The following APPL1 variants were observed in gnomAD, a reference collection of about 807,000 sequenced individuals.
The protein encoded by APPL1 is DCC-interacting protein 13-alpha.
In APPL1, 42 loss-of-function variants were observed where a neutral mutation model predicts 106.8. That is an observed-to-expected ratio of 0.39 (90% confidence interval 0.31 to 0.51). APPL1 has a LOEUF of 0.51. Ranked by LOEUF, APPL1 falls within the 20% of genes least tolerant of loss-of-function variation. The pLI is 0.75. For synonymous variants in APPL1, 263 were observed against 281.8 expected (o/e 0.93, Z 0.67); for missense variants, 769 against 858.2 (o/e 0.90, Z 1.30).
Position 57,252,390 on chromosome 3 carries a change from A to G in APPL1, c.1095+79A>G, listed in dbSNP as rs2060809459. On this transcript the variant is annotated intron_variant, in intron 12 of 21. Transcript: ENST00000288266. ...TGACAAAACATATATTAATGTGTTC[A>G]TTGTAGAAATTTTGGAAAATCCTAG... 1.9e-5 allele frequency: 20 copies of G among 1,063,224 alleles called. No individual in the cohort carries two copies. In the South Asian group the frequency reaches 2.6e-4, roughly 14 times the overall value. The allele number at this position is 1,063,224 out of a possible 1,614,324, so 65.9% of individuals were successfully genotyped here.
chr3:57,232,224 A>G (rs2060690340), intron 1 of APPL1, among the ~76,000 whole-genome samples: 1 of 152,244 alleles, frequency 6.6e-6, no homozygotes, highest in Admixed American at 6.5e-5. Context: ...AACAGTGAAG[A>G]CAAACCCCAG....
At chr3:57,256,722 A>T (rs765695664) in intron 13 of APPL1, among the ~76,000 whole-genome samples, 3 of 152,232 alleles carry the variant, frequency 2.0e-5, no homozygotes, top group Non-Finnish European at 4.4e-5. Flanking sequence ...TTAAAAAGCA[A>T]TATCTAATAA....
rs1229089055 is a variant in APPL1, at chr3:57,259,992, A to C, written c.1631A>C (p.His544Pro). The C allele has an allele frequency of 6.2e-7, 1 of 1,613,860 alleles. No homozygotes were observed. Residue 544 changes from histidine to proline, a missense_variant, in exon 17 of 22, where the codon CAT becomes CCT. Physicochemically the swap from His to Pro is moderately conservative, Grantham distance 77. Transcript: ENST00000288266. ...AACATCTTTCGTATGACAGAATCGC[A>C]TTTATTAGTCACTTGTGACTGTTTA... is the stretch of plus-strand genomic sequence containing the variant. ...IHNIFRMTES[H>P]LLVTCDCLKL...
In APPL1 at chr3:57,242,868, C is replaced by A; in HGVS notation, c.428C>A (p.Ala143Glu). The A allele has an allele frequency of 6.2e-7, 1 of 1,610,670 alleles. No homozygotes were observed. Among genetic ancestry groups the A allele is most frequent in the South Asian group, 1.1e-5 (1 of 90,942 alleles). Residue 143 changes from alanine (A) to glutamate (E), a missense_variant, in exon 7 of 22, where the codon GCG (alanine) becomes GAG (glutamate). Physicochemically the swap from Ala to Glu is moderately radical, Grantham distance 107 (BLOSUM62 -1). Coordinates refer to ENST00000288266, the MANE Select transcript of APPL1 (RefSeq NM_012096.3). ...FQIASNDHDA[A>E]INRYSRLSKK... ...TTCTTTTTTCCAGATCATGATGCTG[C>A]GATTAATAGATATAGCCGTTTATCA...
chr3:57,256,883 A>G, intron 13 of APPL1, 74 bp from the exon 14 acceptor site: 1 of 1,154,760 alleles, frequency 8.7e-7, no homozygotes, highest in Non-Finnish European at 1.3e-6. Flanking sequence ...CATTCTAACA[A>G]TTCAGAGTTA....
intron 15 of APPL1, 90 bp from the exon 16 acceptor site, chr3:57,258,937 TA>T: frequency 5.3e-6 from 5 of 945,016 alleles, no homozygotes; most frequent in South Asian, 1.6e-5. Context: ...TTTTTTTTTT[TA>T]AATGTTAACT....
intron 7 of APPL1, among the ~76,000 whole-genome samples, chr3:57,244,594 TTAAGAG>T (rs1465428235): frequency 1.2e-4 from 19 of 152,236 alleles, no homozygotes; most frequent in African/African-American, 4.3e-4. Flanking sequence ...AGTGTAAAGA[TTAAGAG>T]TACTCTGTGA....
chr3:57,230,779 G>GTTT (rs571053927), intron 1 of APPL1: 14 of 406,388 alleles, frequency 3.4e-5, no homozygotes, highest in African/African-American at 1.3e-4. Context: ...TAAGTTTTTT[G>GTTT]TTTTTTTTTT....
intron 12 of APPL1, 117 bp downstream of exon 12, chr3:57,252,428 CTTTCTT>C (rs1559511269): frequency 1.5e-6 from 1 of 667,304 alleles, no homozygotes; most frequent in East Asian, 3.0e-5. Context: ...AATTAAAAAT[CTTTCTT>C]TTTCTTTTTT....
intron 19 of APPL1, among the ~76,000 whole-genome samples, chr3:57,263,006 C>T (rs2107610222): frequency 6.6e-6 from 1 of 151,954 alleles, no homozygotes; most frequent in South Asian, 2.1e-4. Flanking sequence ...CATGCGCCAC[C>T]ACGCCCAGCT....
At chr3:57,247,895 G>A (rs920407868) in intron 9 of APPL1, among the ~76,000 whole-genome samples, 1 of 152,170 alleles carries the variant, frequency 6.6e-6, no homozygotes, top group African/African-American at 2.4e-5. Context: ...CCACGGTATG[G>A]AGAGAGATGA....
rs1186808622 is a variant in APPL1, at chr3:57,250,310, A to C, written c.1052+762A>C. Among the ~76,000 whole-genome samples the C allele has an allele frequency of 2.0e-5, 3 of 151,992 alleles. No individual in the cohort carries two copies. The East Asian group carries it at 5.8e-4, about 29-fold the overall frequency. The stretch of plus-strand genomic sequence containing the variant: ...TGCATGCCACTGTGCCTGGCAATTA[A>C]AAAAAATTTTTTTGTAGAGATGTCT... On this transcript the variant is annotated intron_variant, in intron 11 of 21. Coordinates refer to ENST00000288266, the MANE Select transcript of APPL1 (RefSeq NM_012096.3).
At chr3:57,248,580 G>A (rs2060787160) in intron 10 of APPL1, among the ~76,000 whole-genome samples, 1 of 152,130 alleles carries the variant, frequency 6.6e-6, no homozygotes, top group Non-Finnish European at 1.5e-5. Flanking sequence ...TAAAAGAAGT[G>A]AAACCAGGGC....
intron 2 of APPL1, among the ~76,000 whole-genome samples, chr3:57,236,486 G>A (rs933100361): frequency 2.7e-5 from 4 of 150,802 alleles, no homozygotes; most frequent in Non-Finnish European, 4.4e-5. Context: ...GCACTACTAC[G>A]CCCAGATAAT....
At chr3:57,234,405 C>T (rs1237993741) in intron 1 of APPL1, among the ~76,000 whole-genome samples, 1 of 148,888 alleles carries the variant, frequency 6.7e-6, no homozygotes, top group Admixed American at 6.7e-5. Flanking sequence ...TCACGCCATT[C>T]TCCTGCCTCA....
In APPL1 at chr3:57,271,178, A is replaced by G. The variant is rs1013951621; in HGVS notation, c.*1491A>G. On this transcript the variant is annotated 3_prime_UTR_variant, in exon 22 of 22. Transcript: ENST00000288266. ...AGTTTTTTCTTCTTAGTTCTGCATT[A>G]GAAATGGCATCTGTTTTAGGTCTCA... 2 of 152,328 alleles carry G rather than the reference A, an allele frequency of 1.3e-5. No homozygotes were observed. The highest frequency in any genetic ancestry group is 4.8e-5 in the African/African-American group (2 of 41,310). The allele number at this position is 152,328 out of a possible 1,614,324, so 9.4% of individuals were successfully genotyped here.
chr3:57,256,902 C>G, intron 13 of APPL1, 55 bp from the exon 14 acceptor site: 1 of 1,425,430 alleles, frequency 7.0e-7, no homozygotes, highest in Non-Finnish European at 9.9e-7. Flanking sequence ...TACATTCAAA[C>G]TTTTGGTTTG....
At chr3:57,236,971 G>C (rs2060719663) in intron 2 of APPL1, among the ~76,000 whole-genome samples, 3 of 152,154 alleles carry the variant, frequency 2.0e-5, no homozygotes, top group Admixed American at 1.3e-4. Flanking sequence ...AGGCTCTGAA[G>C]CTTTGCTTTC....
chr3:57,267,411 C>G (rs1376325717), intron 19 of APPL1, among the ~76,000 whole-genome samples: 3 of 152,128 alleles, frequency 2.0e-5, no homozygotes, highest in Non-Finnish European at 2.9e-5. Flanking sequence ...ATGTTGGGAA[C>G]CAAAACCAGC....
Sources: allele counts gnomAD v4.1 joint callset (sites outside exome capture counted in the v4.1 genomes callset), GRCh38; gene constraint gnomAD v4.1.1; transcripts MANE v1.5; gene names NCBI Gene and HGNC (gene_info 2026-07-23, HGNC 2026-07-21).